The following PRDM16 variants were observed in gnomAD, a reference collection of about 807,000 sequenced individuals.
PRDM16 encodes PR/SET domain 16.
A neutral mutation model predicts 110.6 loss-of-function variants in PRDM16; 23 were observed. The ratio of observed to expected loss-of-function variants is 0.21; its 90% CI spans 0.15 to 0.29. The LOEUF (loss-of-function observed/expected upper bound fraction) is 0.29, where lower values mean the gene tolerates loss of function less well. Among genes scored for constraint, PRDM16 ranks in the 10% least tolerant of loss-of-function variants. The probability of loss-of-function intolerance (pLI) is 1.00; values close to 1 mark genes in which losing one functional copy is unlikely to be tolerated. For missense variants in PRDM16, 1,615 were observed against 1,794.3 expected, an observed-to-expected ratio of 0.90 and a Z score of 1.81; for synonymous variants, 799 against 781.8, an observed-to-expected ratio of 1.02 and a Z score of -0.37.
intron 3 of PRDM16, among the ~76,000 whole-genome samples, chr1:3,250,263 C>G (rs1046115165): frequency 2.6e-5 from 4 of 152,134 alleles, no homozygotes; most frequent in Non-Finnish European, 4.4e-5. Flanking sequence ...CCGTGGCCTC[C>G]AAGGTGGCAG....
rs1643889112 is a variant in PRDM16, at chr1:3,160,498, C to A, written c.38-25627C>A. On this transcript the variant is annotated intron_variant, in intron 1 of 16. Transcript: ENST00000270722. ...AGGACAAGGACCCTCACAGAGTGTC[C>A]TCCTGCTTTGTCCAGGGTAAGGGCG... 2.0e-5 allele frequency among the ~76,000 whole-genome samples: 3 copies of A among 152,186 alleles called. No individual in the cohort carries two copies. In the South Asian group the frequency reaches 6.2e-4, roughly 32 times the overall value.
At chr1:3,110,344 C>A (rs1279164329) in intron 1 of PRDM16, among the ~76,000 whole-genome samples, 1 of 151,146 alleles carries the variant, frequency 6.6e-6, no homozygotes. Context: ...CGGGGGCTCC[C>A]CCATGTCCTG....
chr1:3,420,857 C>T (rs1185117174), intron 12 of PRDM16, among the ~76,000 whole-genome samples: 1 of 152,160 alleles, frequency 6.6e-6, no homozygotes. Context: ...TCCTGACAGC[C>T]GGCCCGGGGG....
intron 1 of PRDM16, among the ~76,000 whole-genome samples, chr1:3,114,358 A>G (rs1055521209): frequency 1.5e-5 from 2 of 136,762 alleles, no homozygotes; most frequent in Non-Finnish European, 3.2e-5. Context: ...GCACACATGC[A>G]CACACGCACA....
chr1:3,343,632 T>G (rs1333533783), intron 3 of PRDM16, among the ~76,000 whole-genome samples: 1 of 152,062 alleles, frequency 6.6e-6, no homozygotes, highest in East Asian at 1.9e-4. Flanking sequence ...TTTTGGTTTT[T>G]GTTTTGTTTT....
intron 3 of PRDM16, among the ~76,000 whole-genome samples, chr1:3,293,487 CA>C (rs1435187308): frequency 6.6e-6 from 1 of 152,174 alleles, no homozygotes; most frequent in Non-Finnish European, 1.5e-5. Context: ...GCGCGATGGC[CA>C]GGGGCAACGT....
At chr1:3,078,408 A>G (rs2100572600) in intron 1 of PRDM16, among the ~76,000 whole-genome samples, 1 of 152,254 alleles carries the variant, frequency 6.6e-6, no homozygotes, top group East Asian at 1.9e-4. Context: ...GGTCTGGACC[A>G]TGGTGTCTAA....
chr1:3,164,781 C>CG (rs1211578216), intron 1 of PRDM16, among the ~76,000 whole-genome samples: 2 of 152,064 alleles, frequency 1.3e-5, no homozygotes, highest in Admixed American at 6.6e-5. Flanking sequence ...GCTGTGTTTG[C>CG]GGGGGGAGGC....
intron 3 of PRDM16, among the ~76,000 whole-genome samples, chr1:3,277,322 T>C (rs752503990): frequency 6.6e-6 from 1 of 152,112 alleles, no homozygotes; most frequent in Non-Finnish European, 1.5e-5. Flanking sequence ...CGCTTCACTC[T>C]CCCTGTGGCG....
chr1:3,081,939 C>T lies in PRDM16; in HGVS notation c.37+12643C>T, dbSNP rs1169706353. 6.6e-6 allele frequency among the ~76,000 whole-genome samples: 1 copy of T among 152,236 alleles called. No homozygotes were observed. The highest frequency in any genetic ancestry group is 6.5e-5 in the Admixed American group (1 of 15,290). On this transcript the variant is annotated intron_variant, in intron 1 of 16. Transcript: ENST00000270722. The surrounding 1 kb of genome is among the most constrained non-coding windows in gnomAD (Gnocchi z 4.6). ...CAGCAGTCAGGATGGGCAGATGAAG[C>T]CACAGTGTGCCAAGGCAGCGGCAAA... is the stretch of plus-strand genomic sequence containing the variant.
chr1:3,351,865 C>G (rs1387286804), intron 3 of PRDM16, among the ~76,000 whole-genome samples: 1 of 150,612 alleles, frequency 6.6e-6, no homozygotes, highest in East Asian at 2.0e-4. Flanking sequence ...AACTCACACA[C>G]TCACTCTGTG....
chr1:3,412,361 C>T lies in PRDM16; in HGVS notation c.2164C>T (p.His722Tyr). The part of the protein sequence containing the change: ...QEKKLGSLPY[H>Y]SAFPFQFLPN... ...GAAGAAGCTGGGCTCGCTCCCCTAC[C>T]ACTCGGCGTTCCCCTTCCAGTTCCT... The change falls in exon 9 of 17, where the codon CAC (histidine) becomes TAC (tyrosine). Residue 722 changes from histidine to tyrosine, a missense_variant. Around this residue, in one of 5 missense-constraint regions of PRDM16, gnomAD observed 772 missense variants for 748.3 expected, o/e 1.03. Transcript: ENST00000270722. The T allele has an allele frequency of 6.2e-7, 1 of 1,613,676 alleles. No homozygotes were observed. The highest frequency in any genetic ancestry group is 8.5e-7 in the Non-Finnish European group (1 of 1,180,036).
chr1:3,405,415 A>G, intron 7 of PRDM16, 80 bp from the exon 8 acceptor site: 1 of 1,438,470 alleles, frequency 7.0e-7, no homozygotes, highest in Non-Finnish European at 9.2e-7. Flanking sequence ...TGCCCCCCAC[A>G]GCCGGTTGGT....
At chr1:3,336,566 G>T (rs1360982329) in intron 3 of PRDM16, among the ~76,000 whole-genome samples, 1 of 152,004 alleles carries the variant, frequency 6.6e-6, no homozygotes, top group East Asian at 1.9e-4. Flanking sequence ...GCACATGTGT[G>T]TTGGTGTGAG....
chr1:3,126,403 G>A (rs1296560551), intron 1 of PRDM16, among the ~76,000 whole-genome samples: 1 of 152,222 alleles, frequency 6.6e-6, no homozygotes, highest in Non-Finnish European at 1.5e-5. Flanking sequence ...CAAGGCCGGA[G>A]GAGCTGGCTG....
At chr1:3,229,828 G>C (rs1639366524) in intron 2 of PRDM16, among the ~76,000 whole-genome samples, 1 of 152,228 alleles carries the variant, frequency 6.6e-6, no homozygotes, top group Non-Finnish European at 1.5e-5. Flanking sequence ...CCTGGCCCAG[G>C]CTCCATTCTC....
At chr1:3,189,115 G>T (rs1239615738) in intron 2 of PRDM16, among the ~76,000 whole-genome samples, 1 of 152,208 alleles carries the variant, frequency 6.6e-6, no homozygotes, top group Non-Finnish European at 1.5e-5. Context: ...CCGACTGCCT[G>T]GCCTGTCTTC....
chr1:3,134,256 G>A (rs1037988104), intron 1 of PRDM16, among the ~76,000 whole-genome samples: 7 of 152,184 alleles, frequency 4.6e-5, no homozygotes, highest in African/African-American at 1.7e-4. Flanking sequence ...TGTCCGGAGC[G>A]CCATTCAGCT....
chr1:3,375,579 G>A (rs1223682808), intron 3 of PRDM16, among the ~76,000 whole-genome samples: 1 of 152,218 alleles, frequency 6.6e-6, no homozygotes, highest in South Asian at 2.1e-4. Flanking sequence ...CGAGTTTGGG[G>A]ACATACCAGG....
Sources: gnomAD v4.1 joint callset for allele counts (sites outside exome capture counted in the v4.1 genomes callset) on GRCh38, gnomAD v4.1.1 for gene constraint, gnomAD v4.1.1 regional missense constraint, Gnocchi (gnomAD v3.1) non-coding constraint, MANE v1.5 for transcripts, NCBI Gene and HGNC (gene_info 2026-07-23, HGNC 2026-07-21) for gene names.